NCOA7: variants seen among roughly 807,000 people sequenced by gnomAD.
NCOA7 encodes the protein 140 kDa estrogen receptor-associated protein.
In NCOA7, 45 loss-of-function variants were observed where a neutral mutation model predicts 104.3. That is an observed-to-expected ratio of 0.43 (90% CI 0.34 to 0.55). The LOEUF (loss-of-function observed/expected upper bound fraction) is 0.55. NCOA7 is among the 20% of genes least tolerant of loss of function. The probability of loss-of-function intolerance (pLI) is 0.02; values close to 1 mark genes in which losing one functional copy is unlikely to be tolerated. For missense variants in NCOA7, 1,041 were observed against 1,119.7 expected (o/e 0.93, Z 1.00); for synonymous variants, 398 against 402.3 (o/e 0.99, Z 0.13).
chr6:125,844,294 G>C (rs1780413004), intron 2 of NCOA7, among the ~76,000 whole-genome samples: 1 of 152,096 alleles, frequency 6.6e-6, no homozygotes, highest in Non-Finnish European at 1.5e-5. Flanking sequence ...TAACTGTATT[G>C]GTTCTTTGAA....
chr6:125,873,485 T>G (rs939461889), intron 3 of NCOA7, among the ~76,000 whole-genome samples: 1 of 152,212 alleles, frequency 6.6e-6, no homozygotes, highest in African/African-American at 2.4e-5. Context: ...TTGGTGTATA[T>G]TTCTGGCTTG....
rs190758832 is a variant in NCOA7 at position 125,865,365 on chromosome 6, C to T, written c.272-9524C>T. 5.8e-5 allele frequency among the ~76,000 whole-genome samples: 8 copies of T among 138,012 alleles called. 3 individuals are homozygous for T. Among genetic ancestry groups the T allele is most frequent in the African/African-American group, 1.5e-4 (5 of 33,084 alleles). 90.5% of individuals were successfully genotyped at this position (138,012 alleles called of 152,430 possible). A position where few individuals can be genotyped will look rare whatever the true frequency, so the allele number is the denominator to read the frequency against. On this transcript the variant is annotated intron_variant, in intron 3 of 15. Transcript: ENST00000392477. ...TTAGCACAGTATGACTCATTTTAGT[C>T]GAGAACTATGTTACCTGTGACTTGC...
At chr6:125,919,474 A>G in intron 11 of NCOA7, 2 of 1,574,130 alleles carry the variant, frequency 1.3e-6, no homozygotes, top group Non-Finnish European at 1.7e-6. Context: ...GTGCTGGTGA[A>G]TTCTCAGTGA....
At chr6:125,916,245 C>G (rs533339775) in intron 11 of NCOA7, among the ~76,000 whole-genome samples, 2 of 152,208 alleles carry the variant, frequency 1.3e-5, no homozygotes, top group South Asian at 4.1e-4. Flanking sequence ...GCTTACCTCT[C>G]CTTTGCCTTC....
chr6:125,847,075 T>C (rs1279115372), intron 2 of NCOA7, among the ~76,000 whole-genome samples: 1 of 152,228 alleles, frequency 6.6e-6, no homozygotes, highest in African/African-American at 2.4e-5. Flanking sequence ...TTAAAATATT[T>C]TTAATATGTA....
upstream of NCOA7, among the ~76,000 whole-genome samples, chr6:125,786,637 C>T (rs989097628): frequency 4.1e-5 from 6 of 147,204 alleles, no homozygotes; most frequent in East Asian, 6.0e-4. Flanking sequence ...AGTGCATAAG[C>T]GCGATCTGAG....
At chr6:125,831,001 A>G (rs1211365359) in intron 2 of NCOA7, among the ~76,000 whole-genome samples, 2 of 152,066 alleles carry the variant, frequency 1.3e-5, no homozygotes, top group Non-Finnish European at 2.9e-5. Flanking sequence ...ATTGCGTCAG[A>G]TATGCAACTT....
chr6:125,848,953 A>G (rs1318996467), intron 2 of NCOA7, among the ~76,000 whole-genome samples: 1 of 152,230 alleles, frequency 6.6e-6, no homozygotes, highest in Admixed American at 6.5e-5. Flanking sequence ...CCAAATCAGA[A>G]CATTTAAATC....
rs945436008 is a variant in NCOA7 at position 125,929,915 on chromosome 6, C to T, written c.*1144C>T. ...TGCATTTTTTAAATCAAATGAAAAA[C>T]GTCAAATTGGACCAATTGTCTTGGT... On this transcript the variant is annotated 3_prime_UTR_variant, in exon 16 of 16. Transcript: ENST00000392477. 3.9e-5 allele frequency: 6 copies of T among 151,968 alleles called. No individual in the cohort carries two copies. The highest frequency in any genetic ancestry group is 7.4e-5 in the Non-Finnish European group (5 of 67,984). The allele number at this position is 151,968 out of a possible 1,614,324, so 9.4% of individuals were successfully genotyped here.
intron 7 of NCOA7, 159 bp downstream of exon 7, chr6:125,882,710 A>G (rs1361231703): frequency 1.4e-6 from 1 of 726,954 alleles, no homozygotes; most frequent in East Asian, 2.8e-5. Flanking sequence ...GGATGCCTGG[A>G]ATTTTACTTA....
intron 10 of NCOA7, among the ~76,000 whole-genome samples, chr6:125,891,368 G>A (rs967121576): frequency 6.6e-6 from 1 of 152,160 alleles, no homozygotes; most frequent in East Asian, 1.9e-4. Context: ...GGCAGTCTAG[G>A]ATAGGAGGGA....
At position 125,928,849 on chromosome 6, in the gene NCOA7, C is replaced by A; in HGVS notation, c.*78C>A. The A allele has an allele frequency of 6.7e-7, 1 of 1,494,702 alleles. No homozygotes were observed. The highest frequency in any genetic ancestry group is 9.0e-7 in the Non-Finnish European group (1 of 1,113,082). 92.6% of individuals were successfully genotyped at this position (1,494,702 alleles called of 1,614,324 possible). Reference sequence around the variant, plus strand: ...TCCTAAAGCTGGCTGGAAAAAGAAGCCCCAGCCCAGCCTGCCTCATCCCAC... The same window carrying A: ...TCCTAAAGCTGGCTGGAAAAAGAAGACCCAGCCCAGCCTGCCTCATCCCAC... On this transcript the variant is annotated 3_prime_UTR_variant, in exon 16 of 16. Transcript: ENST00000392477.
At chr6:125,923,713 C>G (rs188856989) in intron 13 of NCOA7, among the ~76,000 whole-genome samples, 1 of 152,200 alleles carries the variant, frequency 6.6e-6, no homozygotes, top group African/African-American at 2.4e-5. Flanking sequence ...CAGCAAATAT[C>G]TAATTAGAGC....
intron 3 of NCOA7, among the ~76,000 whole-genome samples, chr6:125,869,734 A>T (rs1242684846): frequency 6.6e-6 from 1 of 152,098 alleles, no homozygotes; most frequent in Admixed American, 6.5e-5. Context: ...AACTGGCTAG[A>T]TATGCTGGTT....
chr6:125,833,403 T>G (rs1779344367), intron 2 of NCOA7, among the ~76,000 whole-genome samples: 1 of 151,992 alleles, frequency 6.6e-6, no homozygotes, highest in Admixed American at 6.6e-5. Flanking sequence ...CCTGGCCTCA[T>G]GGTGAAACCC....
intron 4 of NCOA7, among the ~76,000 whole-genome samples, chr6:125,876,931 A>G (rs911041476): frequency 6.6e-6 from 1 of 152,154 alleles, no homozygotes; most frequent in Admixed American, 6.5e-5. Flanking sequence ...ATAACTGCAG[A>G]TTGTTAAAGT....
At chr6:125,911,889 A>G (rs768378537) in intron 10 of NCOA7, among the ~76,000 whole-genome samples, 1 of 152,136 alleles carries the variant, frequency 6.6e-6, no homozygotes, top group Non-Finnish European at 1.5e-5. Context: ...TCCTGCAAAA[A>G]CACAAGCATA....
chr6:125,846,450 T>C (rs1238330311), intron 2 of NCOA7, among the ~76,000 whole-genome samples: 2 of 152,040 alleles, frequency 1.3e-5, no homozygotes, highest in Non-Finnish European at 2.9e-5. Flanking sequence ...AGACAGGACC[T>C]TGAAAATCAT....
chr6:125,893,850 T>C (rs576174628), intron 10 of NCOA7, among the ~76,000 whole-genome samples: 21 of 152,326 alleles, frequency 1.4e-4, no homozygotes, highest in African/African-American at 5.1e-4. Context: ...CTTGCACACC[T>C]GTACACTACG....
Sources: gnomAD v4.1 joint callset for allele counts (sites outside exome capture counted in the v4.1 genomes callset) on GRCh38, gnomAD v4.1.1 for gene constraint, MANE v1.5 for transcripts, NCBI Gene and HGNC (gene_info 2026-07-23, HGNC 2026-07-21) for gene names.